BFSP2: variants seen among roughly 807,000 people sequenced by gnomAD.
The protein encoded by BFSP2 is beaded filament structural protein 2, also known as phakinin.
A neutral mutation model predicts 44.9 loss-of-function variants in BFSP2; 38 were observed. The observed-to-expected ratio is 0.85, with a 90% confidence interval of 0.65 to 1.11. The LOEUF is 1.11. BFSP2 is among the 50% of genes least tolerant of loss of function. The pLI is 0.00. For missense variants in BFSP2, 525 were observed against 533.0 expected (o/e 0.99, Z 0.15); for synonymous variants, 197 against 209.9 (o/e 0.94, Z 0.53).
At chr3:133,425,803 GAA>G (rs2073641553) in intron 1 of BFSP2, among the ~76,000 whole-genome samples, 1 of 95,604 alleles carries the variant, frequency 1.0e-5, no homozygotes, top group Non-Finnish European at 2.0e-5. Flanking sequence ...GGGAAGGGAA[GAA>G]GGGAAGGGAA....
chr3:133,408,870 A>G (rs1576557186), intron 1 of BFSP2, among the ~76,000 whole-genome samples: 4 of 152,356 alleles, frequency 2.6e-5, no homozygotes, highest in Middle Eastern at 6.8e-3. Flanking sequence ...TGTTACTTAT[A>G]GGAGGGTGGA....
At chr3:133,443,722 G>A (rs1329697715) in intron 1 of BFSP2, among the ~76,000 whole-genome samples, 1 of 152,146 alleles carries the variant, frequency 6.6e-6, no homozygotes, top group Admixed American at 6.5e-5. Flanking sequence ...TGTGGGAAGG[G>A]TTTCCAAGGG....
intron 1 of BFSP2, among the ~76,000 whole-genome samples, chr3:133,444,653 G>A (rs558910399): frequency 1.6e-4 from 25 of 152,096 alleles, no homozygotes; most frequent in African/African-American, 5.3e-4. Context: ...GAAACGGAGC[G>A]GTCACCCCTA....
Position 133,466,822 on chromosome 3 carries a change from C to A in BFSP2, c.892-6C>A. The A allele has an allele frequency of 6.2e-7, 1 of 1,613,324 alleles. No individual in the cohort carries two copies. The highest frequency in any genetic ancestry group is 8.5e-7 in the Non-Finnish European group (1 of 1,179,926). On this transcript the variant is annotated splice_region_variant and splice_polypyrimidine_tract_variant and intron_variant, in intron 4 of 6. Coordinates refer to ENST00000302334, the MANE Select transcript of BFSP2 (RefSeq NM_003571.4). ...ACCGCTCACACTGAGACCTGACTCTCCACAGCAACAGGCGGAGGTGGCCCA... is the reference window on the plus strand; with the variant it reads ...ACCGCTCACACTGAGACCTGACTCTACACAGCAACAGGCGGAGGTGGCCCA...
intron 1 of BFSP2, among the ~76,000 whole-genome samples, chr3:133,415,351 T>TCTTCTCACCCCTGCCCTCTCTCCC (rs2073510919): frequency 3.8e-5 from 1 of 25,976 alleles, no homozygotes; most frequent in Non-Finnish European, 6.6e-5. Context: ...TCCTCTCCCC[T>TCTTCTCACCCCTGCCCTCTCTCCC]CTACTCACCC....
chr3:133,408,374 T>G (rs2073421731), intron 1 of BFSP2, among the ~76,000 whole-genome samples: 1 of 152,222 alleles, frequency 6.6e-6, no homozygotes, highest in Non-Finnish European at 1.5e-5. Flanking sequence ...TTGGTGAAGC[T>G]CTAGGGAAAC....
intron 1 of BFSP2, among the ~76,000 whole-genome samples, chr3:133,444,864 C>T (rs1299499005): frequency 6.6e-6 from 1 of 152,192 alleles, no homozygotes; most frequent in East Asian, 1.9e-4. Context: ...CTTCTCCTGC[C>T]TCCTCCAATC....
At chr3:133,419,181 T>C (rs1301472059) in intron 1 of BFSP2, among the ~76,000 whole-genome samples, 1 of 152,086 alleles carries the variant, frequency 6.6e-6, no homozygotes, top group East Asian at 1.9e-4. Flanking sequence ...CATCTTGGAG[T>C]AGGGCCCACC....
intron 4 of BFSP2, among the ~76,000 whole-genome samples, chr3:133,454,732 G>A (rs1482974669): frequency 3.3e-5 from 5 of 152,172 alleles, no homozygotes; most frequent in African/African-American, 4.8e-5. Context: ...TTAAGGCAAC[G>A]TATGTGAGAA....
chr3:133,415,334 A>C (rs1576561810), intron 1 of BFSP2, among the ~76,000 whole-genome samples: 2 of 61,146 alleles, frequency 3.3e-5, no homozygotes, highest in Non-Finnish European at 6.0e-5. Context: ...CCCTCTACTC[A>C]CCCGTGTCCT....
chr3:133,468,053 C>G lies in BFSP2; in HGVS notation c.1023+1094C>G, dbSNP rs576684237. 3.9e-5 allele frequency among the ~76,000 whole-genome samples: 6 copies of G among 152,284 alleles called. No individual in the cohort carries two copies. The East Asian group carries it at 7.7e-4, about 20-fold the overall frequency. ...CACTTCTCAGTGTTTCTAGGGGGAT[C>G]CAATGTGTGGATGCACATGAGCATG... On this transcript the variant is annotated intron_variant, in intron 5 of 6. Coordinates refer to ENST00000302334, the MANE Select transcript of BFSP2 (RefSeq NM_003571.4).
chr3:133,404,321 T>C (rs879916861), intron 1 of BFSP2, among the ~76,000 whole-genome samples: 1 of 152,202 alleles, frequency 6.6e-6, no homozygotes, highest in Admixed American at 6.5e-5. Context: ...CAACAGGTTC[T>C]TGGCCCACCT....
intron 4 of BFSP2, among the ~76,000 whole-genome samples, chr3:133,450,937 C>T (rs1245657893): frequency 2.0e-5 from 3 of 152,114 alleles, no homozygotes; most frequent in Non-Finnish European, 4.4e-5. Flanking sequence ...GGGTGAAACA[C>T]TGTCTCTACT....
intron 1 of BFSP2, among the ~76,000 whole-genome samples, chr3:133,441,880 C>T (rs551593799): frequency 7.9e-5 from 12 of 152,258 alleles, no homozygotes; most frequent in African/African-American, 2.9e-4. Flanking sequence ...GCACTGCTCG[C>T]AGTAAGGTGA....
chr3:133,466,709 G>A (rs1339988740), intron 4 of BFSP2, 119 bp from the exon 5 acceptor site: 13 of 350,268 alleles, frequency 3.7e-5, no homozygotes, highest in South Asian at 1.3e-4. Context: ...ATGTTTCCAC[G>A]TGACAGCTGT....
chr3:133,425,785 G>GA (rs149805571), intron 1 of BFSP2, among the ~76,000 whole-genome samples: 6,742 of 25,538 alleles, frequency 0.26, 653 homozygotes, highest in African/African-American at 0.37. Flanking sequence ...AAGGGAAAGG[G>GA]AAGGGAAGGG....
intron 1 of BFSP2, among the ~76,000 whole-genome samples, chr3:133,438,213 T>C (rs1465338492): frequency 2.0e-5 from 3 of 152,144 alleles, no homozygotes; most frequent in Non-Finnish European, 4.4e-5. Flanking sequence ...TCAAGAAATA[T>C]GTGGGCAGGC....
chr3:133,404,247 C>A (rs2073385519), intron 1 of BFSP2, among the ~76,000 whole-genome samples: 1 of 152,196 alleles, frequency 6.6e-6, no homozygotes, highest in Non-Finnish European at 1.5e-5. Flanking sequence ...AAAGTGAAGT[C>A]TTGTGGGACA....
chr3:133,439,896 G>A (rs2073827261), intron 1 of BFSP2, among the ~76,000 whole-genome samples: 1 of 151,946 alleles, frequency 6.6e-6, no homozygotes, highest in Non-Finnish European at 1.5e-5. Context: ...AGTAGAAAGG[G>A]AGAGGGTGAG....
Sources: gnomAD v4.1 joint callset for allele counts (sites outside exome capture counted in the v4.1 genomes callset) on GRCh38, gnomAD v4.1.1 for gene constraint, MANE v1.5 for transcripts, NCBI Gene and HGNC (gene_info 2026-07-23, HGNC 2026-07-21) for gene names.